Variants in CDH13 observed in about 807,000 individuals in gnomAD.
CDH13 encodes cadherin-13.
Under a neutral mutation model 63.8 loss-of-function variants are expected in CDH13, and 24 were observed. The ratio of observed to expected loss-of-function variants is 0.38; its 90% confidence interval spans 0.27 to 0.53. The LOEUF (loss-of-function observed/expected upper bound fraction) is 0.53, where lower values mean the gene tolerates loss of function less well. CDH13 is among the 20% of genes least tolerant of loss of function. The pLI is 0.85. For synonymous variants in CDH13, 503 were observed against 355.3 expected (o/e 1.42, Z -4.67); for missense variants, 1,049 against 903.1 (o/e 1.16, Z -2.07).
At chr16:82,862,393 C>T (rs568742233) in intron 2 of CDH13, among the ~76,000 whole-genome samples, 2 of 152,324 alleles carry the variant, frequency 1.3e-5, no homozygotes, top group South Asian at 4.1e-4. Flanking sequence ...TTGATACCAT[C>T]AGCTCAGACA....
intron 6 of CDH13, among the ~76,000 whole-genome samples, chr16:83,414,505 G>C (rs2092171856): frequency 6.6e-6 from 1 of 152,060 alleles, no homozygotes; most frequent in African/African-American, 2.4e-5. Context: ...GCATTGTATG[G>C]CAGATTGCTA....
At chr16:82,673,409 C>G (rs927907660) in intron 1 of CDH13, among the ~76,000 whole-genome samples, 2 of 152,044 alleles carry the variant, frequency 1.3e-5, no homozygotes, top group African/African-American at 4.8e-5. Context: ...AAAAGTATCC[C>G]CAAGGAGAAA....
intron 10 of CDH13, among the ~76,000 whole-genome samples, chr16:83,705,496 C>T (rs886959259): frequency 2.6e-5 from 4 of 152,006 alleles, no homozygotes; most frequent in African/African-American, 9.7e-5. Flanking sequence ...ATGGTGGGCG[C>T]CTGTAGTCCC....
At chr16:83,274,602 A>G (rs2088926237) in intron 5 of CDH13, among the ~76,000 whole-genome samples, 1 of 152,186 alleles carries the variant, frequency 6.6e-6, no homozygotes, top group Non-Finnish European at 1.5e-5. Flanking sequence ...AAACCCCCAC[A>G]TGCAGCACAG....
chr16:83,648,044 G>A (rs1311237767), intron 8 of CDH13, among the ~76,000 whole-genome samples: 1 of 151,924 alleles, frequency 6.6e-6, no homozygotes, highest in East Asian at 1.9e-4. Flanking sequence ...CCTTTTTTTG[G>A]TTCCCTGACT....
intron 2 of CDH13, among the ~76,000 whole-genome samples, chr16:83,013,855 G>C (rs150232704): frequency 6.6e-6 from 1 of 152,144 alleles, no homozygotes; most frequent in Non-Finnish European, 1.5e-5. Flanking sequence ...AACATAGGGA[G>C]GAATCCAAAA....
chr16:83,178,170 C>T (rs1296087912), intron 4 of CDH13, among the ~76,000 whole-genome samples: 1 of 152,080 alleles, frequency 6.6e-6, no homozygotes, highest in Non-Finnish European at 1.5e-5. Context: ...TAGGGTTTTT[C>T]AGCCTCAGAA....
Position 83,093,040 on chromosome 16 carries a change from T to A in CDH13, c.367-32345T>A, listed in dbSNP as rs576386169. On this transcript the variant is annotated intron_variant, in intron 3 of 13. Coordinates refer to ENST00000567109, the MANE Select transcript of CDH13 (RefSeq NM_001257.5). ...AGAGATGGTTATAAAATACCTTATT[T>A]TTCTCTTCTTCATTATTATTGCTCA... Among the ~76,000 whole-genome samples, 181 of 152,268 alleles carry A rather than the reference T, an allele frequency of 1.2e-3. 1 individual carries two copies. The highest frequency in any genetic ancestry group is 9.9e-3 in the South Asian group (48 of 4,826).
At chr16:83,604,818 G>A (rs749382700) in intron 8 of CDH13, among the ~76,000 whole-genome samples, 1 of 152,206 alleles carries the variant, frequency 6.6e-6, no homozygotes, top group Non-Finnish European at 1.5e-5. Context: ...GTTACCAGCT[G>A]TGTGAGATTA....
chr16:83,326,732 C>T (rs1377160074), intron 5 of CDH13, among the ~76,000 whole-genome samples: 2 of 152,126 alleles, frequency 1.3e-5, no homozygotes, highest in Non-Finnish European at 2.9e-5. Flanking sequence ...GTCACTAAGA[C>T]ACTTTAATTC....
At chr16:82,854,998 G>T (rs1198896134) in intron 1 of CDH13, among the ~76,000 whole-genome samples, 1 of 152,172 alleles carries the variant, frequency 6.6e-6, no homozygotes, top group Non-Finnish European at 1.5e-5. Context: ...ATGAATGAAT[G>T]ATTTGACTAA....
chr16:83,093,232 C>G (rs1221612022), intron 3 of CDH13, among the ~76,000 whole-genome samples: 6 of 141,796 alleles, frequency 4.2e-5, no homozygotes, highest in African/African-American at 1.0e-4. Flanking sequence ...ATAATTGACT[C>G]TATCAGGTGG....
intron 5 of CDH13, among the ~76,000 whole-genome samples, chr16:83,263,771 G>A (rs1257316046): frequency 6.6e-6 from 1 of 152,102 alleles, no homozygotes; most frequent in Non-Finnish European, 1.5e-5. Flanking sequence ...TGCTGCCATG[G>A]CCTCAATCCC....
chr16:82,867,857 T>A (rs9319577), intron 2 of CDH13, among the ~76,000 whole-genome samples: 112,215 of 152,112 alleles, frequency 0.74, 41,697 homozygotes, highest in East Asian at 0.88. Context: ...AGGTGGAGAA[T>A]TGCCTGTTTC....
chr16:83,266,671 G>C (rs1411833600), intron 5 of CDH13, among the ~76,000 whole-genome samples: 1 of 152,154 alleles, frequency 6.6e-6, no homozygotes, highest in Non-Finnish European at 1.5e-5. Context: ...GTTTAAGTAA[G>C]GACAAACATT....
At chr16:83,630,327 C>G (rs1255307732) in intron 8 of CDH13, among the ~76,000 whole-genome samples, 1 of 152,148 alleles carries the variant, frequency 6.6e-6, no homozygotes, top group Non-Finnish European at 1.5e-5. Context: ...TTTATTTTGC[C>G]AAGGTTAAGG....
intron 10 of CDH13, among the ~76,000 whole-genome samples, chr16:83,703,149 T>C (rs185671259): frequency 6.6e-5 from 10 of 152,362 alleles, no homozygotes; most frequent in African/African-American, 2.4e-4. Flanking sequence ...AGTAGTGCTT[T>C]AAAGAACAGG....
intron 2 of CDH13, among the ~76,000 whole-genome samples, chr16:82,865,675 C>T (rs1228640945): frequency 2.0e-5 from 3 of 152,232 alleles, no homozygotes; most frequent in African/African-American, 4.8e-5. Context: ...CCTTGAAGAC[C>T]TCTGAGATGC....
At chr16:83,437,347 C>T (rs759451322) in intron 6 of CDH13, among the ~76,000 whole-genome samples, 5 of 152,074 alleles carry the variant, frequency 3.3e-5, no homozygotes, top group Middle Eastern at 3.2e-3. Context: ...GAACAGGGAA[C>T]GTACTCAGCT....
Sources: allele counts gnomAD v4.1 joint callset (sites outside exome capture counted in the v4.1 genomes callset), GRCh38; gene constraint gnomAD v4.1.1; transcripts MANE v1.5; gene names NCBI Gene and HGNC (gene_info 2026-07-23, HGNC 2026-07-21).